The following NECTIN3 variants were observed in gnomAD, a reference collection of about 807,000 sequenced individuals.
The protein encoded by NECTIN3 is nectin cell adhesion molecule 3.
NECTIN3 carries 8 observed loss-of-function variants against 49.4 expected under a neutral mutation model. The observed-to-expected ratio is 0.16, with a 90% confidence interval of 0.10 to 0.29. The LOEUF is 0.29. Among genes scored for constraint, NECTIN3 ranks in the 10% least tolerant of loss-of-function variants. NECTIN3 has a pLI of 1.00. For missense variants in NECTIN3, 581 were observed against 654.6 expected (o/e 0.89, Z 1.23); for synonymous variants, 277 against 241.1 (o/e 1.15, Z -1.38).
At chr3:111,133,058 A>T (rs575736171) in intron 5 of NECTIN3, among the ~76,000 whole-genome samples, 1 of 151,954 alleles carries the variant, frequency 6.6e-6, no homozygotes, top group Non-Finnish European at 1.5e-5. Context: ...TGAGAGAATT[A>T]TTAAACCAAC....
intron 1 of NECTIN3, among the ~76,000 whole-genome samples, chr3:111,096,937 G>T (rs2032620389): frequency 6.6e-6 from 1 of 152,216 alleles, no homozygotes; most frequent in African/African-American, 2.4e-5. Flanking sequence ...CTACCCCACA[G>T]AGTCCCCACT....
At chr3:111,080,459 G>T (rs1404591304) in intron 1 of NECTIN3, among the ~76,000 whole-genome samples, 1 of 152,018 alleles carries the variant, frequency 6.6e-6, no homozygotes, top group African/African-American at 2.4e-5. Context: ...CAAATTTGAA[G>T]TTCCCTAAGA....
Position 111,134,779 on chromosome 3 carries a change from T to G in NECTIN3, c.*564T>G, listed in dbSNP as rs923506441. 1 of 975,046 alleles carries G rather than the reference T, an allele frequency of 1.0e-6. No individual in the cohort carries two copies. Among genetic ancestry groups the G allele is most frequent in the South Asian group, 4.7e-5 (1 of 21,076 alleles). The allele number at this position is 975,046 out of a possible 1,614,324, so 60.4% of individuals were successfully genotyped here. On this transcript the variant is annotated 3_prime_UTR_variant, in exon 6 of 6. Coordinates refer to ENST00000485303, the MANE Select transcript of NECTIN3 (RefSeq NM_015480.3). ...TCTAAGTTTCTATACAAATGAAATC[T>G]TTACCTCTGCATATTAATGAGCCTT...
At chr3:111,150,937 G>A in intron 7 of NECTIN3, among the ~76,000 whole-genome samples, 1 of 151,700 alleles carries the variant, frequency 6.6e-6, no homozygotes, top group East Asian at 1.9e-4. Flanking sequence ...AATATAGATA[G>A]CTGTTATTCC....
chr3:111,123,539 T>C (rs1408315978), intron 4 of NECTIN3, among the ~76,000 whole-genome samples: 1 of 152,130 alleles, frequency 6.6e-6, no homozygotes, highest in Non-Finnish European at 1.5e-5. Context: ...TGGAAGTCTT[T>C]ATTTCGTGGC....
At chr3:111,175,373 C>G (rs1055816917) in intron 7 of NECTIN3, among the ~76,000 whole-genome samples, 1 of 151,532 alleles carries the variant, frequency 6.6e-6, no homozygotes, top group African/African-American at 2.4e-5. Context: ...GGCAACCACC[C>G]TCTTCTACCC....
chr3:111,145,334 A>G (rs1370072402), intron 6 of NECTIN3, among the ~76,000 whole-genome samples: 1 of 152,218 alleles, frequency 6.6e-6, no homozygotes, highest in Non-Finnish European at 1.5e-5. Context: ...CTGAATAGAA[A>G]TGTAAGCCTT....
intron 1 of NECTIN3, among the ~76,000 whole-genome samples, chr3:111,093,426 GTTT>G (rs35209735): frequency 7.1e-6 from 1 of 140,232 alleles, no homozygotes; most frequent in Non-Finnish European, 1.5e-5. Flanking sequence ...ATTTTGTTGG[GTTT>G]TTTTTTTTTT....
chr3:111,090,974 C>T (rs1028677236), intron 1 of NECTIN3, among the ~76,000 whole-genome samples: 3 of 151,888 alleles, frequency 2.0e-5, no homozygotes, highest in Admixed American at 6.6e-5. Flanking sequence ...TTGTTTTATG[C>T]AGTAAATACA....
chr3:111,137,773 T>TC (rs1383991206), downstream of NECTIN3, among the ~76,000 whole-genome samples: 141 of 149,526 alleles, frequency 9.4e-4, 3 homozygotes, highest in Middle Eastern at 0.02. Flanking sequence ...TTTTTCCTTT[T>TC]TTTTTTTTTT....
chr3:111,180,539 G>A (rs1207522544), intron 7 of NECTIN3, among the ~76,000 whole-genome samples: 1 of 152,168 alleles, frequency 6.6e-6, no homozygotes, highest in African/African-American at 2.4e-5. Context: ...TTAAAAAAGT[G>A]AAAGAGAAAT....
chr3:111,181,414 C>A (rs1054357320), intron 7 of NECTIN3, among the ~76,000 whole-genome samples: 1 of 152,080 alleles, frequency 6.6e-6, no homozygotes, highest in African/African-American at 2.4e-5. Context: ...AAGAAAAAAA[C>A]CTTTTTCCTT....
At chr3:111,108,044 A>G (rs1215498236) in intron 1 of NECTIN3, among the ~76,000 whole-genome samples, 1 of 152,154 alleles carries the variant, frequency 6.6e-6, no homozygotes, top group Non-Finnish European at 1.5e-5. Flanking sequence ...CAAACAAAAA[A>G]CACAGCAAAA....
At chr3:111,140,458 A>G (rs989887431), downstream of NECTIN3, among the ~76,000 whole-genome samples, 2 of 151,654 alleles carry the variant, frequency 1.3e-5, no homozygotes, top group African/African-American at 4.8e-5. Flanking sequence ...AGAGTAAGAT[A>G]TTTGTATTGC....
chr3:111,090,678 C>T (rs556455117), intron 1 of NECTIN3, among the ~76,000 whole-genome samples: 4 of 93,538 alleles, frequency 4.3e-5, no homozygotes, highest in Non-Finnish European at 1.0e-4. Context: ...TTCTGTAGTT[C>T]GTTTTTTCAT....
At chr3:111,188,876 C>A (rs2035766922), upstream of NECTIN3, among the ~76,000 whole-genome samples, 1 of 152,040 alleles carries the variant, frequency 6.6e-6, no homozygotes, top group African/African-American at 2.4e-5. Flanking sequence ...TAAATATAAG[C>A]ACAGAACAGC....
intron 7 of NECTIN3, among the ~76,000 whole-genome samples, chr3:111,151,778 G>T (rs941948921): frequency 2.0e-5 from 3 of 151,828 alleles, no homozygotes; most frequent in Non-Finnish European, 4.4e-5. Context: ...GACAGTGTTA[G>T]TAGAGAAAGA....
At chr3:111,170,177 G>A (rs1390599106) in intron 7 of NECTIN3, among the ~76,000 whole-genome samples, 1 of 152,142 alleles carries the variant, frequency 6.6e-6, no homozygotes, top group Non-Finnish European at 1.5e-5. Context: ...TCTTTATTAG[G>A]CATGAAGATG....
intron 1 of NECTIN3, among the ~76,000 whole-genome samples, chr3:111,092,292 T>C (rs2032315843): frequency 6.6e-6 from 1 of 152,204 alleles, no homozygotes; most frequent in South Asian, 2.1e-4. Context: ...ACAGAAAAGC[T>C]TTTCATTTTG....
Sources: allele counts gnomAD v4.1 joint callset (sites outside exome capture counted in the v4.1 genomes callset), GRCh38; gene constraint gnomAD v4.1.1; transcripts MANE v1.5; gene names NCBI Gene and HGNC (gene_info 2026-07-23, HGNC 2026-07-21).